The following LTBP2 variants were observed in gnomAD, a reference collection of about 807,000 sequenced individuals.
LTBP2 encodes latent transforming growth factor beta binding protein 2.
In LTBP2, 103 loss-of-function variants were observed where a neutral mutation model predicts 210.6. The ratio of observed to expected loss-of-function variants is 0.49; its 90% CI spans 0.42 to 0.58. The LOEUF is 0.58. LTBP2 is among the 20% of genes least tolerant of loss of function. The pLI is 0.00. For missense variants in LTBP2, 2,313 were observed against 2,494.5 expected (o/e 0.93, Z 1.55); for synonymous variants, 1,007 against 1,015.0 (o/e 0.99, Z 0.15).
chr14:74,594,943 C>A (rs1317990303), intron 2 of LTBP2, among the ~76,000 whole-genome samples: 1 of 152,228 alleles, frequency 6.6e-6, no homozygotes, highest in Non-Finnish European at 1.5e-5. Flanking sequence ...GGGGCTCACC[C>A]AGCTCCCACA....
chr14:74,552,807 G>A, intron 5 of LTBP2, 85 bp downstream of exon 5: 2 of 1,501,586 alleles, frequency 1.3e-6, no homozygotes, highest in South Asian at 2.4e-5. Context: ...GGGAGCAGCG[G>A]GCTCCAGTCC....
At chr14:74,602,019 G>A (rs2088455200) in intron 2 of LTBP2, among the ~76,000 whole-genome samples, 1 of 152,210 alleles carries the variant, frequency 6.6e-6, no homozygotes, top group Non-Finnish European at 1.5e-5. Flanking sequence ...AGAGGGGCCT[G>A]TGGGAGGAAG....
intron 3 of LTBP2, among the ~76,000 whole-genome samples, chr14:74,578,493 G>A (rs980237766): frequency 3.3e-5 from 5 of 152,000 alleles, no homozygotes; most frequent in African/African-American, 1.2e-4. Context: ...CCCCTGCCCC[G>A]GGCTCCCCTG....
At chr14:74,607,868 G>T (rs1307315151) in intron 1 of LTBP2, among the ~76,000 whole-genome samples, 1 of 151,608 alleles carries the variant, frequency 6.6e-6, no homozygotes, top group Non-Finnish European at 1.5e-5. Flanking sequence ...TAAAAAACTG[G>T]AATCAAAATA....
At chr14:74,567,089 A>G (rs2087912354) in intron 3 of LTBP2, among the ~76,000 whole-genome samples, 1 of 152,176 alleles carries the variant, frequency 6.6e-6, no homozygotes, top group Non-Finnish European at 1.5e-5. Flanking sequence ...TTCCTGTTTC[A>G]GGCAGGGAGA....
intron 15 of LTBP2, 68 bp from the exon 16 acceptor site, chr14:74,522,986 T>G (rs912876432): frequency 1.3e-6 from 2 of 1,568,788 alleles, no homozygotes; most frequent in Non-Finnish European, 1.7e-6. Context: ...TGGAGCGGGG[T>G]GGGGACAGTC....
chr14:74,578,285 G>A (rs1351195860), intron 3 of LTBP2, among the ~76,000 whole-genome samples: 1 of 152,174 alleles, frequency 6.6e-6, no homozygotes, highest in Non-Finnish European at 1.5e-5. Context: ...GAGATTTCAG[G>A]TTTATTGGAC....
intron 2 of LTBP2, among the ~76,000 whole-genome samples, chr14:74,591,676 T>C (rs935662232): frequency 6.6e-5 from 10 of 152,306 alleles, no homozygotes; most frequent in African/African-American, 2.2e-4. Context: ...CATTATGGGA[T>C]TGAAGTATGT....
At chr14:74,510,563 A>C (rs2087057511) in intron 19 of LTBP2, among the ~76,000 whole-genome samples, 1 of 152,204 alleles carries the variant, frequency 6.6e-6, no homozygotes, top group Non-Finnish European at 1.5e-5. Flanking sequence ...GGAACCCTAC[A>C]TGACCTCCTA....
At chr14:74,588,215 T>C (rs184245459) in intron 2 of LTBP2, among the ~76,000 whole-genome samples, 1 of 152,156 alleles carries the variant, frequency 6.6e-6, no homozygotes, top group Non-Finnish European at 1.5e-5. Flanking sequence ...GTTGTTGTTG[T>C]TTTTGTTTTT....
At chr14:74,595,200 C>A (rs759378844) in intron 2 of LTBP2, among the ~76,000 whole-genome samples, 1 of 152,230 alleles carries the variant, frequency 6.6e-6, no homozygotes, top group Non-Finnish European at 1.5e-5. Context: ...TGGCCCCCAG[C>A]CCTTCAGCAT....
At chr14:74,603,376 C>G (rs1270973090) in intron 2 of LTBP2, among the ~76,000 whole-genome samples, 1 of 152,232 alleles carries the variant, frequency 6.6e-6, no homozygotes. Flanking sequence ...ATCCACCCAC[C>G]TTGGCCTCCC....
intron 2 of LTBP2, among the ~76,000 whole-genome samples, chr14:74,600,651 C>G (rs557230419): frequency 3.3e-5 from 5 of 152,138 alleles, no homozygotes; most frequent in Non-Finnish European, 5.9e-5. Context: ...AGGCCCACCC[C>G]CTATGAAGCC....
At chr14:74,540,841 A>T (rs58468055) in intron 8 of LTBP2, among the ~76,000 whole-genome samples, 8,776 of 30,136 alleles carry the variant, frequency 0.29, 1,592 homozygotes, top group African/African-American at 0.49. Flanking sequence ...ATATATATTT[A>T]TATATATTAT....
intron 28 of LTBP2, among the ~76,000 whole-genome samples, chr14:74,505,404 T>G (rs1366020473): frequency 6.6e-6 from 1 of 152,212 alleles, no homozygotes; most frequent in Non-Finnish European, 1.5e-5. Flanking sequence ...GCTGTGCGAT[T>G]AAGCTATTAA....
At chr14:74,514,792 G>A (rs1258977609) in intron 18 of LTBP2, among the ~76,000 whole-genome samples, 1 of 152,194 alleles carries the variant, frequency 6.6e-6, no homozygotes, top group Non-Finnish European at 1.5e-5. Flanking sequence ...TTTCTGAGTT[G>A]GAGAAAGAAG....
chr14:74,565,833 C>G (rs2087895252), intron 3 of LTBP2, among the ~76,000 whole-genome samples: 1 of 152,192 alleles, frequency 6.6e-6, no homozygotes, highest in Admixed American at 6.5e-5. Context: ...ACTCTGCCAA[C>G]GTTTTCCAAT....
chr14:74,554,159 A>T (rs1347010044), intron 4 of LTBP2, among the ~76,000 whole-genome samples: 1 of 152,154 alleles, frequency 6.6e-6, no homozygotes, highest in African/African-American at 2.4e-5. Flanking sequence ...TCAACCATGA[A>T]AAGGAATGAA....
intron 21 of LTBP2, 52 bp downstream of exon 21, chr14:74,509,682 G>A: frequency 1.2e-6 from 2 of 1,612,846 alleles, no homozygotes; most frequent in Non-Finnish European, 1.7e-6. Flanking sequence ...TTCTTTGGGA[G>A]GTAAGACAGC....
Sources: allele counts gnomAD v4.1 joint callset (sites outside exome capture counted in the v4.1 genomes callset), GRCh38; gene constraint gnomAD v4.1.1; transcripts MANE v1.5; gene names NCBI Gene and HGNC (gene_info 2026-07-23, HGNC 2026-07-21).